RYR2: variants seen among roughly 807,000 people sequenced by gnomAD.
RYR2 encodes ryanodine receptor 2.
A neutral mutation model predicts 601.1 loss-of-function variants in RYR2; 227 were observed. The ratio of observed to expected loss-of-function variants is 0.38; its 90% confidence interval spans 0.34 to 0.42. RYR2 has a LOEUF of 0.42. RYR2 is among the 10% of genes least tolerant of loss of function. The pLI, the probability that RYR2 is intolerant of heterozygous loss-of-function variation, is 1.00. For synonymous variants in RYR2, 2,223 were observed against 2,175.1 expected (o/e 1.02, Z -0.61); for missense variants, 4,646 against 6,156.5 (o/e 0.75, Z 8.21).
chr1:237,210,921 T>C (rs1326477611), intron 1 of RYR2, among the ~76,000 whole-genome samples: 1 of 152,194 alleles, frequency 6.6e-6, no homozygotes, highest in African/African-American at 2.4e-5. Flanking sequence ...TGTGTTGTCA[T>C]GGATATTTCT....
intron 1 of RYR2, among the ~76,000 whole-genome samples, chr1:237,113,390 G>GAGT (rs143398833): frequency 0.082 from 12,473 of 151,584 alleles, 596 homozygotes; most frequent in African/African-American, 0.13. Context: ...TAGTAGAGAT[G>GAGT]AGTTTTCACC....
intron 28 of RYR2, 77 bp from the exon 29 acceptor site, chr1:237,569,063 TGTTAG>T (rs1439860250): frequency 3.2e-6 from 4 of 1,245,972 alleles, no homozygotes; most frequent in Non-Finnish European, 4.5e-6. Context: ...AAGGGACTGC[TGTTAG>T]GTCGTGACAG....
chr1:237,353,794 C>G (rs1699065028), intron 3 of RYR2, among the ~76,000 whole-genome samples: 1 of 151,998 alleles, frequency 6.6e-6, no homozygotes, highest in African/African-American at 2.4e-5. Flanking sequence ...TTAATAAAAT[C>G]CACATATATT....
rs563922873 is a variant in RYR2 at position 237,598,383 on chromosome 1, T to G, written c.4596+2726T>G. Among the ~76,000 whole-genome samples, 21 of 152,322 alleles carry G rather than the reference T, an allele frequency of 1.4e-4. No homozygotes were observed. The South Asian group carries it at 4.3e-3, about 32-fold the overall frequency. On this transcript the variant is annotated intron_variant, in intron 34 of 104. Coordinates refer to ENST00000366574, the MANE Select transcript of RYR2 (RefSeq NM_001035.3). ...AAGAATACACATTATTCTCAACTGC[T>G]CATGTGGCATTCTCCAGGACAGATC... is the stretch of plus-strand genomic sequence containing the variant.
chr1:237,426,704 A>G (rs1164598265), intron 12 of RYR2, among the ~76,000 whole-genome samples: 1 of 152,176 alleles, frequency 6.6e-6, no homozygotes, highest in Non-Finnish European at 1.5e-5. Flanking sequence ...GTAGAAAAAC[A>G]TGAACCGGTA....
chr1:237,201,717 C>T (rs1312034916), intron 1 of RYR2, among the ~76,000 whole-genome samples: 1 of 152,120 alleles, frequency 6.6e-6, no homozygotes, highest in Non-Finnish European at 1.5e-5. Context: ...ATGAGGGGCT[C>T]CCAGGGCTGC....
At chr1:237,669,893 C>G (rs1317352819) in intron 58 of RYR2, among the ~76,000 whole-genome samples, 2 of 151,856 alleles carry the variant, frequency 1.3e-5, no homozygotes, top group Non-Finnish European at 2.9e-5. Flanking sequence ...GGGTGGCGGC[C>G]GGGCAGAGGC....
At chr1:237,796,729 TG>T (rs1219986336) in intron 96 of RYR2, among the ~76,000 whole-genome samples, 3 of 152,082 alleles carry the variant, frequency 2.0e-5, no homozygotes, top group Non-Finnish European at 4.4e-5. Flanking sequence ...ACTCCTTTTT[TG>T]CTACCAGTGA....
At position 237,654,427 on chromosome 1, in the gene RYR2, T is replaced by C. The variant is rs759132398; in HGVS notation, c.7965+13T>C. 3 of 1,613,116 alleles carry C rather than the reference T, an allele frequency of 1.9e-6. No individual in the cohort carries two copies. In the South Asian group the frequency reaches 3.3e-5, roughly 18 times the overall value. On this transcript the variant is annotated intron_variant, in intron 52 of 104. Coordinates refer to ENST00000366574, the MANE Select transcript of RYR2 (RefSeq NM_001035.3). The stretch of plus-strand genomic sequence containing the variant: ...CCTGTCTCAAAAGGTAATTTAATGG[T>C]TTGTGGGTTTGTTTGTATCAATAAA...
At chr1:237,275,192 AT>A (rs971284004) in intron 2 of RYR2, among the ~76,000 whole-genome samples, 4 of 151,520 alleles carry the variant, frequency 2.6e-5, no homozygotes, top group African/African-American at 9.7e-5. Flanking sequence ...TATTTATAGT[AT>A]TTTTTAATTA....
intron 3 of RYR2, among the ~76,000 whole-genome samples, chr1:237,337,000 C>T (rs2149595001): frequency 6.6e-6 from 1 of 152,142 alleles, no homozygotes; most frequent in South Asian, 2.1e-4. Context: ...CCTGTCATCC[C>T]AGCAATTTGG....
intron 11 of RYR2, among the ~76,000 whole-genome samples, chr1:237,417,794 G>A (rs1705161849): frequency 6.6e-6 from 1 of 151,850 alleles, no homozygotes; most frequent in Non-Finnish European, 1.5e-5. Context: ...TGATGATAAA[G>A]GTGTCATTTT....
At chr1:237,755,878 C>G (rs1470196148) in intron 80 of RYR2, among the ~76,000 whole-genome samples, 4 of 152,238 alleles carry the variant, frequency 2.6e-5, no homozygotes, top group South Asian at 2.1e-4. Context: ...CTTTGCAACT[C>G]GAGCCATTTG....
At chr1:237,714,321 T>C (rs976576395) in intron 71 of RYR2, among the ~76,000 whole-genome samples, 3 of 152,172 alleles carry the variant, frequency 2.0e-5, no homozygotes, top group Non-Finnish European at 4.4e-5. Flanking sequence ...TATCTAACAA[T>C]CATATAGTTA....
At chr1:237,278,799 T>C (rs2086023385) in intron 2 of RYR2, among the ~76,000 whole-genome samples, 1 of 152,234 alleles carries the variant, frequency 6.6e-6, no homozygotes, top group Admixed American at 6.5e-5. Flanking sequence ...CTCCTGGATA[T>C]AGCAGCTCTG....
At position 237,565,169 on chromosome 1, in the gene RYR2, TTC is replaced by T. The variant is rs1456702284; in HGVS notation, c.3215-1396_3215-1395del. ...TCTTTCTTTCTTTCTCTTTCTTTCTTTCTTTCTTTCTTTCTTTCTTTCTTTCT... is the reference window on the plus strand; with the variant it reads ...TCTTTCTTTCTTTCTCTTTCTTTCTTTTTCTTTCTTTCTTTCTTTCTTTCT... On this transcript the variant is annotated intron_variant, in intron 27 of 104. Transcript: ENST00000366574. Among the ~76,000 whole-genome samples the T allele has an allele frequency of 4.8e-3, 115 of 23,962 alleles. 1 individual carries two copies. The highest frequency in any genetic ancestry group is 0.028 in the Middle Eastern group (1 of 36). 15.7% of individuals were successfully genotyped at this position (23,962 alleles called of 152,430 possible).
intron 1 of RYR2, among the ~76,000 whole-genome samples, chr1:237,254,928 G>A (rs1005739756): frequency 2.0e-5 from 3 of 152,086 alleles, no homozygotes; most frequent in African/African-American, 7.2e-5. Context: ...AATTCTGCAT[G>A]TCTCAATGTT....
At chr1:237,441,564 T>C in intron 13 of RYR2, 81 bp downstream of exon 13, 1 of 1,316,126 alleles carries the variant, frequency 7.6e-7, no homozygotes, top group South Asian at 2.0e-5. Context: ...AATTGGCTGA[T>C]CTTTTTAGTC....
chr1:237,187,006 A>G (rs1033199745), intron 1 of RYR2, among the ~76,000 whole-genome samples: 4 of 152,252 alleles, frequency 2.6e-5, no homozygotes, highest in African/African-American at 7.2e-5. Context: ...CTGACAAGTG[A>G]AGGGAACTTG....
Sources: allele counts gnomAD v4.1 joint callset (sites outside exome capture counted in the v4.1 genomes callset), GRCh38; gene constraint gnomAD v4.1.1; transcripts MANE v1.5; gene names NCBI Gene and HGNC (gene_info 2026-07-23, HGNC 2026-07-21).